Variants in SEC23IP observed in about 807,000 individuals in gnomAD.
SEC23IP encodes the protein SEC23-interacting protein.
SEC23IP carries 70 observed loss-of-function variants against 113.4 expected under a neutral mutation model. The ratio of observed to expected loss-of-function variants is 0.62; its 90% CI spans 0.51 to 0.75. SEC23IP has a LOEUF of 0.75. Among genes scored for constraint, SEC23IP ranks in the 30% least tolerant of loss-of-function variants. The pLI is 0.00. For missense variants in SEC23IP, 1,160 were observed against 1,204.9 expected (o/e 0.96, Z 0.55); for synonymous variants, 398 against 421.0 (o/e 0.95, Z 0.67).
chr10:119,931,083 C>G (rs1398337994), intron 15 of SEC23IP, among the ~76,000 whole-genome samples: 1 of 151,906 alleles, frequency 6.6e-6, no homozygotes, highest in African/African-American at 2.4e-5. Context: ...ACTCAGAGAC[C>G]TTGAATTCAC....
At position 119,898,665 on chromosome 10, in the gene SEC23IP, A is replaced by G. The variant is rs1000126570; in HGVS notation, c.402A>G (p.Ser134=). Residue 134 remains serine, a synonymous_variant, in exon 2 of 19, where the codon TCA becomes TCG. Coordinates refer to ENST00000369075, the MANE Select transcript of SEC23IP (RefSeq NM_007190.4). ...TGSQDVSNAF[S]PSISKAQPGA... is the part of the protein sequence containing the mutation. ...CCCAAGATGTCTCGAATGCATTTTCACCATCCATTTCGAAGGCTCAACCTG... is the reference window on the plus strand; with the variant it reads ...CCCAAGATGTCTCGAATGCATTTTCGCCATCCATTTCGAAGGCTCAACCTG... 2.5e-6 allele frequency: 4 copies of G among 1,614,160 alleles called. No homozygotes were observed. The African/African-American group carries it at 4.0e-5, about 16-fold the overall frequency.
At chr10:119,919,075 C>T (rs934358948) in intron 10 of SEC23IP, among the ~76,000 whole-genome samples, 2 of 148,156 alleles carry the variant, frequency 1.3e-5, no homozygotes, top group African/African-American at 5.0e-5. Context: ...CTCACTGCAA[C>T]CTCCGCCTTT....
At chr10:119,901,581 T>G (rs1479367151) in intron 2 of SEC23IP, among the ~76,000 whole-genome samples, 3 of 152,224 alleles carry the variant, frequency 2.0e-5, no homozygotes, top group Non-Finnish European at 4.4e-5. Flanking sequence ...CAGTATACAA[T>G]TCGATTTATT....
chr10:119,920,971 A>G lies in SEC23IP; in HGVS notation c.2108A>G (p.Lys703Arg), dbSNP rs897949452. ...RKKIANFVEH[K>R]AAKLKKAASE... is the part of the protein sequence containing the mutation. Reference sequence around the variant, plus strand: ...AAGATAGCTAACTTTGTAGAACATAAAGCAGCCAAACTGGTAAAGTTCACC... The same window carrying G: ...AAGATAGCTAACTTTGTAGAACATAGAGCAGCCAAACTGGTAAAGTTCACC... The change falls in exon 12 of 19, where the codon AAA (lysine) becomes AGA (arginine). Residue 703 changes from lysine (K) to arginine (R), a missense_variant. By Grantham distance (26) the Lys-to-Arg change is conservative (BLOSUM62 2). Coordinates refer to ENST00000369075, the MANE Select transcript of SEC23IP (RefSeq NM_007190.4). 1 of 1,612,960 alleles carries G rather than the reference A, an allele frequency of 6.2e-7. No individual in the cohort carries two copies. Among genetic ancestry groups the G allele is most frequent in the Admixed American group, 1.7e-5 (1 of 60,022 alleles).
At chr10:119,894,336 C>T (rs767877174) in intron 1 of SEC23IP, among the ~76,000 whole-genome samples, 1 of 152,140 alleles carries the variant, frequency 6.6e-6, no homozygotes, top group Non-Finnish European at 1.5e-5. Flanking sequence ...GGATGAAAGA[C>T]AGTTTCATGG....
At chr10:119,914,866 TAGAA>T in intron 7 of SEC23IP, 47 bp downstream of exon 7, 1 of 1,531,994 alleles carries the variant, frequency 6.5e-7, no homozygotes, top group Non-Finnish European at 9.0e-7. Flanking sequence ...TGAGAACTAA[TAGAA>T]GAGCTTTGGA....
Position 119,937,035 on chromosome 10 carries a change from C to T in SEC23IP, c.*20+3248C>T, listed in dbSNP as rs1258841730. Among the ~76,000 whole-genome samples the T allele has an allele frequency of 3.3e-5, 5 of 151,702 alleles. No individual in the cohort carries two copies. The South Asian group carries it at 6.3e-4, about 19-fold the overall frequency. ...CCCGAGTAGCTGGGACTACAGGCGC[C>T]CGCTGCTGTGCCCAGCTAATTTTTT... On this transcript the variant is annotated intron_variant, in intron 18 of 18. Coordinates refer to ENST00000369075, the MANE Select transcript of SEC23IP (RefSeq NM_007190.4).
intron 18 of SEC23IP, among the ~76,000 whole-genome samples, chr10:119,936,638 G>A (rs765960306): frequency 2.0e-5 from 3 of 148,596 alleles, no homozygotes; most frequent in Non-Finnish European, 4.5e-5. Context: ...CCATCAGTAT[G>A]TAAAGGCCAG....
At chr10:119,909,879 C>CT (rs1379274206) in intron 5 of SEC23IP, among the ~76,000 whole-genome samples, 1 of 152,176 alleles carries the variant, frequency 6.6e-6, no homozygotes, top group African/African-American at 2.4e-5. Context: ...CAGCAAGACT[C>CT]TGTCTAAATA....
At chr10:119,916,403 T>A (rs573102346) in intron 8 of SEC23IP, among the ~76,000 whole-genome samples, 3 of 152,316 alleles carry the variant, frequency 2.0e-5, no homozygotes, top group African/African-American at 7.2e-5. Context: ...CTGTGACAAT[T>A]AAAAATACTC....
At chr10:119,936,543 C>CAAA (rs35075710) in intron 18 of SEC23IP, among the ~76,000 whole-genome samples, 26 of 76,800 alleles carry the variant, frequency 3.4e-4, no homozygotes, top group African/African-American at 4.2e-4. Flanking sequence ...GATTCCGTCT[C>CAAA]AAAAAAAAAA....
chr10:119,908,427 CAG>C (rs1279142763), intron 4 of SEC23IP, among the ~76,000 whole-genome samples: 3 of 152,106 alleles, frequency 2.0e-5, no homozygotes, highest in Middle Eastern at 3.2e-3. Flanking sequence ...CCCAGTGTCT[CAG>C]AATGTGACCT....
At chr10:119,917,740 A>C in intron 8 of SEC23IP, 96 bp from the exon 9 acceptor site, 1 of 811,372 alleles carries the variant, frequency 1.2e-6, no homozygotes. Context: ...GGGTTTTCTT[A>C]GTGTATTTTC....
intron 13 of SEC23IP, among the ~76,000 whole-genome samples, chr10:119,927,197 C>T (rs969039921): frequency 6.6e-6 from 1 of 152,224 alleles, no homozygotes; most frequent in African/African-American, 2.4e-5. Context: ...TGCATCGGGC[C>T]TCCAGCTGCA....
chr10:119,929,541 T>A, intron 13 of SEC23IP, 66 bp from the exon 14 acceptor site: 2 of 1,455,430 alleles, frequency 1.4e-6, no homozygotes, highest in Non-Finnish European at 1.9e-6. Flanking sequence ...GCCTGAAAAT[T>A]CAAAAGAATT....
At chr10:119,893,568 G>C (rs561790541) in intron 1 of SEC23IP, among the ~76,000 whole-genome samples, 1 of 141,646 alleles carries the variant, frequency 7.1e-6, no homozygotes, top group African/African-American at 2.6e-5. Flanking sequence ...CGCCCAGGCT[G>C]GAATGCAGTG....
At chr10:119,931,761 C>T (rs749305345) in intron 15 of SEC23IP, among the ~76,000 whole-genome samples, 5 of 151,942 alleles carry the variant, frequency 3.3e-5, no homozygotes, top group Non-Finnish European at 7.4e-5. Context: ...ACCGTGTTAG[C>T]CAGGATGGTC....
At chr10:119,893,017 G>T in intron 1 of SEC23IP, 72 bp downstream of exon 1, 1 of 1,514,356 alleles carries the variant, frequency 6.6e-7, no homozygotes, top group South Asian at 1.2e-5. Flanking sequence ...AGGTCAGACG[G>T]GAGTTTTTCC....
intron 1 of SEC23IP, among the ~76,000 whole-genome samples, chr10:119,895,022 G>A (rs571260546): frequency 6.6e-6 from 1 of 151,962 alleles, no homozygotes; most frequent in Non-Finnish European, 1.5e-5. Flanking sequence ...AGAAGAACCT[G>A]TCTCCCTGGA....
Sources: allele counts gnomAD v4.1 joint callset (sites outside exome capture counted in the v4.1 genomes callset), GRCh38; gene constraint gnomAD v4.1.1; transcripts MANE v1.5; gene names NCBI Gene and HGNC (gene_info 2026-07-23, HGNC 2026-07-21).